The following DPEP1 variants were observed in gnomAD, a reference collection of about 807,000 sequenced individuals.
DPEP1 encodes beta-lactamase.
Under a neutral mutation model 42.3 loss-of-function variants are expected in DPEP1, and 50 were observed. The observed-to-expected ratio is 1.18, with a 90% CI of 0.94 to 1.50. The LOEUF (loss-of-function observed/expected upper bound fraction) is 1.50. Among genes scored for constraint, DPEP1 ranks in the 40% most tolerant of loss-of-function variants. The pLI is 0.00. For missense variants in DPEP1, 663 were observed against 553.0 expected (o/e 1.20, Z -1.99); for synonymous variants, 297 against 234.0 (o/e 1.27, Z -2.46).
chr16:89,614,083 T>C (rs1369753807), intron 1 of DPEP1, among the ~76,000 whole-genome samples: 1 of 145,376 alleles, frequency 6.9e-6, no homozygotes, highest in Non-Finnish European at 1.5e-5. Context: ...CCTGGGATTC[T>C]AGGAAACTGG....
At chr16:89,620,732 C>T (rs1567981518) in intron 1 of DPEP1, 1 of 152,044 alleles carries the variant, frequency 6.6e-6, no homozygotes, top group East Asian at 1.9e-4. Context: ...CTCCCTGGGA[C>T]TTGGGTGGCT....
Position 89,636,903 on chromosome 16 carries a change from C to A in DPEP1, c.559C>A (p.Pro187Thr). 1 of 1,612,498 alleles carries A rather than the reference C, an allele frequency of 6.2e-7. No individual in the cohort carries two copies. Among genetic ancestry groups the A allele is most frequent in the Non-Finnish European group, 8.5e-7 (1 of 1,179,940 alleles). Residue 187 changes from proline to threonine, a missense_variant, in exon 6 of 11, where the codon CCC becomes ACC. Pro to Thr is a conservative substitution (Grantham distance 38, BLOSUM62 -1). Transcript: ENST00000690203. ...GCTGGTGGACACGGGAGACAGCGAG[C>A]CCCAGAGCCAAGGCTTGTCACCCTT... ...NWLVDTGDSE[P>T]QSQGLSPFGQ...
intron 1 of DPEP1, among the ~76,000 whole-genome samples, chr16:89,622,799 A>G (rs2059462292): frequency 2.0e-5 from 3 of 149,976 alleles, no homozygotes; most frequent in Admixed American, 2.0e-4. Flanking sequence ...AAAAAAAAAC[A>G]CACTCGTCAG....
At chr16:89,634,801 TC>T (rs144403176) in intron 2 of DPEP1, among the ~76,000 whole-genome samples, 585 of 10,358 alleles carry the variant, frequency 0.056, 3 homozygotes, top group East Asian at 0.071. Context: ...CCTTCTCCTT[TC>T]CCCTTCCTTC....
Position 89,636,884 on chromosome 16 carries a change from G to A in DPEP1, c.540G>A (p.Val180=). 1 of 1,612,598 alleles carries A rather than the reference G, an allele frequency of 6.2e-7. No homozygotes were observed. Among genetic ancestry groups the A allele is most frequent in the Non-Finnish European group, 8.5e-7 (1 of 1,179,948 alleles). The part of the protein sequence containing the change: ...CNTPWADNWL[V]DTGDSEPQSQ... ...TCTCCAGGGCTGACAACTGGCTGGT[G>A]GACACGGGAGACAGCGAGCCCCAGA... Residue 180 remains valine (V), a synonymous_variant, in exon 6 of 11, where the codon GTG becomes GTA. Transcript: ENST00000690203.
chr16:89,620,020 A>T (rs1466673820), intron 1 of DPEP1, among the ~76,000 whole-genome samples: 1 of 144,368 alleles, frequency 6.9e-6, no homozygotes, highest in African/African-American at 2.6e-5. Context: ...CCCACTGAGT[A>T]TGCCCCCCTC....
At chr16:89,624,365 A>G (rs2059481019) in intron 1 of DPEP1, among the ~76,000 whole-genome samples, 1 of 152,142 alleles carries the variant, frequency 6.6e-6, no homozygotes, top group Non-Finnish European at 1.5e-5. Flanking sequence ...CACTGGAAGG[A>G]TGGCCTGGAC....
chr16:89,636,523 C>CT lies in DPEP1; in HGVS notation c.371-9dup. 6.2e-7 allele frequency: 1 copy of CT among 1,611,258 alleles called. No homozygotes were observed. The highest frequency in any genetic ancestry group is 8.5e-7 in the Non-Finnish European group (1 of 1,179,150). On this transcript the variant is annotated splice_polypyrimidine_tract_variant and intron_variant, in intron 4 of 10. Coordinates refer to ENST00000690203, the MANE Select transcript of DPEP1 (RefSeq NM_001389466.1). ...GTGCCCACTCCCCTGCACCCTGACTCTCCCCGCAGGCATTCGGCAGGCCTT... is the reference window on the plus strand; with the variant it reads ...GTGCCCACTCCCCTGCACCCTGACTCTTCCCCGCAGGCATTCGGCAGGCCTT...
intron 1 of DPEP1, chr16:89,616,781 AGGCAGGAAGTG>A (rs2059382406): frequency 1.1e-5 from 3 of 268,330 alleles, no homozygotes; most frequent in East Asian, 3.0e-4. Flanking sequence ...GCCAGGAAGC[AGGCAGGAAGTG>A]GGCAGGAAGC....
At chr16:89,625,491 A>G (rs1278163151) in intron 1 of DPEP1, among the ~76,000 whole-genome samples, 10 of 152,188 alleles carry the variant, frequency 6.6e-5, no homozygotes, top group Admixed American at 6.5e-4. Context: ...CAAACATTCA[A>G]ACTCTATCAG....
In DPEP1 at chr16:89,636,952, C is replaced by T. The variant is rs758208051; in HGVS notation, c.591+17C>T. ...TTTGGGCAGGTGAGTGGGGTGGGAG[C>T]GGCCAGTCACCCCCGAGGAGAAGGC... On this transcript the variant is annotated intron_variant, in intron 6 of 10. Coordinates refer to ENST00000690203, the MANE Select transcript of DPEP1 (RefSeq NM_001389466.1). 4.3e-5 allele frequency: 70 copies of T among 1,611,172 alleles called. No homozygotes were observed. The highest frequency in any genetic ancestry group is 1.7e-4 in the Middle Eastern group (1 of 5,954).
chr16:89,636,962 C>T (rs372466910), intron 6 of DPEP1, 27 bp downstream of exon 6: 225 of 1,609,522 alleles, frequency 1.4e-4, no homozygotes, highest in Admixed American at 2.0e-4. Flanking sequence ...CGGCCAGTCA[C>T]CCCCGAGGAG....
At chr16:89,633,005 A>G (rs1366578426) in intron 2 of DPEP1, among the ~76,000 whole-genome samples, 2 of 152,116 alleles carry the variant, frequency 1.3e-5, no homozygotes, top group Non-Finnish European at 2.9e-5. Context: ...CTGTCCCTCC[A>G]AGGGCGGCTC....
downstream of DPEP1, chr16:89,638,505 G>C (rs1319792035): frequency 8.0e-7 from 1 of 1,250,296 alleles, no homozygotes; most frequent in Non-Finnish European, 1.0e-6. Context: ...CTGGTTGGAC[G>C]TGGGGCACTC....
chr16:89,629,731 G>A (rs138326025), intron 1 of DPEP1, among the ~76,000 whole-genome samples: 24 of 152,340 alleles, frequency 1.6e-4, no homozygotes, highest in African/African-American at 5.5e-4. Flanking sequence ...TTCTAAGGAC[G>A]TGTCTAGCTG....
intron 2 of DPEP1, among the ~76,000 whole-genome samples, chr16:89,631,586 C>G (rs1334940284): frequency 1.3e-5 from 2 of 152,156 alleles, no homozygotes; most frequent in Admixed American, 1.3e-4. Flanking sequence ...CCAGGCTGGG[C>G]AGTTCACGCC....
intron 1 of DPEP1, among the ~76,000 whole-genome samples, chr16:89,629,158 ATTT>A (rs536909462): frequency 6.6e-6 from 1 of 151,938 alleles, no homozygotes; most frequent in Non-Finnish European, 1.5e-5. Flanking sequence ...TTCATTATGG[ATTT>A]TTTTTACATG....
intron 1 of DPEP1, among the ~76,000 whole-genome samples, chr16:89,616,554 T>C (rs1326104538): frequency 6.6e-6 from 1 of 152,160 alleles, no homozygotes; most frequent in African/African-American, 2.4e-5. Flanking sequence ...ACCAGAATGT[T>C]CCCAGATGGC....
intron 1 of DPEP1, among the ~76,000 whole-genome samples, chr16:89,623,313 C>G (rs902675396): frequency 1.3e-5 from 2 of 152,016 alleles, no homozygotes; most frequent in Non-Finnish European, 2.9e-5. Flanking sequence ...ATGCTCATGC[C>G]TTCCGGCTTC....
Sources: allele counts gnomAD v4.1 joint callset (sites outside exome capture counted in the v4.1 genomes callset), GRCh38; gene constraint gnomAD v4.1.1; transcripts MANE v1.5; gene names NCBI Gene and HGNC (gene_info 2026-07-23, HGNC 2026-07-21).